LRMDA: variants seen among roughly 807,000 people sequenced by gnomAD.
LRMDA encodes leucine-rich melanocyte differentiation-associated protein.
In LRMDA, 18 loss-of-function variants were observed where a neutral mutation model predicts 29.8. That is an observed-to-expected ratio of 0.60 (90% CI 0.42 to 0.90). The LOEUF (loss-of-function observed/expected upper bound fraction) is 0.90. Among genes scored for constraint, LRMDA ranks in the 40% least tolerant of loss-of-function variants. LRMDA has a pLI of 0.00. For synonymous variants in LRMDA, 125 were observed against 109.4 expected (o/e 1.14, Z -0.89); for missense variants, 273 against 273.9 (o/e 1.00, Z 0.02).
At chr10:76,361,104 T>C (rs1189341604) in intron 6 of LRMDA, among the ~76,000 whole-genome samples, 2 of 151,732 alleles carry the variant, frequency 1.3e-5, no homozygotes, top group African/African-American at 2.4e-5. Context: ...CTACTGAAAA[T>C]ATAAAAATTA....
intron 2 of LRMDA, among the ~76,000 whole-genome samples, chr10:75,808,785 G>T (rs148503551): frequency 9.8e-5 from 15 of 152,314 alleles, no homozygotes; most frequent in East Asian, 5.8e-4. Flanking sequence ...TGGGATTACA[G>T]GCATGAGCCA....
chr10:75,479,143 G>A (rs778660863), intron 2 of LRMDA, among the ~76,000 whole-genome samples: 1 of 152,172 alleles, frequency 6.6e-6, no homozygotes, highest in African/African-American at 2.4e-5. Context: ...AGTGGATTGG[G>A]AGGTTGCGGC....
intron 6 of LRMDA, among the ~76,000 whole-genome samples, chr10:76,492,980 G>A (rs754577681): frequency 2.0e-5 from 3 of 151,974 alleles, no homozygotes; most frequent in Non-Finnish European, 4.4e-5. Flanking sequence ...CCTGAAGCCA[G>A]CACAGCACTG....
chr10:76,508,114 T>G (rs536630860), intron 6 of LRMDA, among the ~76,000 whole-genome samples: 13 of 152,310 alleles, frequency 8.5e-5, no homozygotes, highest in African/African-American at 3.1e-4. Context: ...TCCTTCTCAG[T>G]GCATTGTATC....
At chr10:75,967,609 A>C (rs1846886354) in intron 2 of LRMDA, among the ~76,000 whole-genome samples, 1 of 152,228 alleles carries the variant, frequency 6.6e-6, no homozygotes, top group Non-Finnish European at 1.5e-5. Context: ...CTGGATGTCA[A>C]AACATTCATT....
intron 2 of LRMDA, among the ~76,000 whole-genome samples, chr10:75,599,179 C>T (rs554648855): frequency 7.9e-5 from 12 of 152,122 alleles, no homozygotes; most frequent in Non-Finnish European, 1.6e-4. Context: ...AAAAAGTCTG[C>T]AGAGAGTCTC....
At chr10:76,130,536 A>G (rs1849971120) in intron 5 of LRMDA, among the ~76,000 whole-genome samples, 2 of 152,216 alleles carry the variant, frequency 1.3e-5, no homozygotes, top group African/African-American at 4.8e-5. Context: ...GTTCTGTGAA[A>G]CTAGACCAGA....
chr10:76,521,787 C>T (rs573880808), intron 6 of LRMDA, among the ~76,000 whole-genome samples: 1 of 152,030 alleles, frequency 6.6e-6, no homozygotes, highest in Non-Finnish European at 1.5e-5. Context: ...GCATTTTGCC[C>T]CAATTCTCTG....
intron 6 of LRMDA, among the ~76,000 whole-genome samples, chr10:76,361,314 T>G (rs1841309416): frequency 1.3e-5 from 2 of 151,480 alleles, no homozygotes; most frequent in South Asian, 4.2e-4. Context: ...CAGGATAGAT[T>G]TGGGTTTGGG....
intron 2 of LRMDA, among the ~76,000 whole-genome samples, chr10:75,664,558 C>T (rs1165914579): frequency 2.0e-5 from 3 of 152,108 alleles, no homozygotes; most frequent in Non-Finnish European, 2.9e-5. Flanking sequence ...GTTTAGGAGT[C>T]TCTAGGAGCT....
intron 2 of LRMDA, among the ~76,000 whole-genome samples, chr10:75,755,678 G>T (rs1843022953): frequency 6.6e-6 from 1 of 152,210 alleles, no homozygotes. Context: ...CAAGATTCAG[G>T]CCAAGAAAGC....
intron 5 of LRMDA, among the ~76,000 whole-genome samples, chr10:76,148,056 A>C (rs946163116): frequency 6.6e-5 from 10 of 152,150 alleles, no homozygotes; most frequent in Non-Finnish European, 1.3e-4. Context: ...GTTTTGTCTC[A>C]GAGGAGTACC....
At chr10:76,416,731 C>T (rs1393432212) in intron 6 of LRMDA, among the ~76,000 whole-genome samples, 2 of 152,202 alleles carry the variant, frequency 1.3e-5, no homozygotes, top group East Asian at 1.9e-4. Context: ...GTAATAATAT[C>T]ACTGCCTTCA....
At chr10:75,680,622 A>G (rs971040589) in intron 2 of LRMDA, among the ~76,000 whole-genome samples, 3 of 152,324 alleles carry the variant, frequency 2.0e-5, no homozygotes, top group African/African-American at 7.2e-5. Context: ...CTAGAATGAA[A>G]TAGGCTATAA....
chr10:76,131,675 A>T (rs186684697), intron 5 of LRMDA, among the ~76,000 whole-genome samples: 1 of 150,148 alleles, frequency 6.7e-6, no homozygotes, highest in Non-Finnish European at 1.5e-5. Context: ...TTTTTTTTTT[A>T]AAGAAAAACC....
At chr10:76,512,775 T>C (rs1004827404) in intron 6 of LRMDA, among the ~76,000 whole-genome samples, 1 of 152,210 alleles carries the variant, frequency 6.6e-6, no homozygotes, top group South Asian at 2.1e-4. Context: ...CCTTAATTTC[T>C]ATAGGCCTTG....
chr10:76,336,877 AC>A (rs1297502965), intron 6 of LRMDA, among the ~76,000 whole-genome samples: 3 of 152,080 alleles, frequency 2.0e-5, no homozygotes, highest in Admixed American at 2.0e-4. Context: ...AACCCATACA[AC>A]CATCCTCCTA....
intron 2 of LRMDA, among the ~76,000 whole-genome samples, chr10:75,594,252 A>G (rs1312628437): frequency 9.9e-5 from 15 of 152,150 alleles, no homozygotes; most frequent in Admixed American, 9.2e-4. Flanking sequence ...TGCTGCTCAG[A>G]GGCCTAGCAT....
intron 2 of LRMDA, among the ~76,000 whole-genome samples, chr10:75,801,308 T>C (rs150499721): frequency 6.6e-6 from 1 of 152,354 alleles, no homozygotes; most frequent in East Asian, 1.9e-4. Context: ...TCCAACCGCT[T>C]TGGCATCCCT....
Sources: allele counts gnomAD v4.1 joint callset (sites outside exome capture counted in the v4.1 genomes callset), GRCh38; gene constraint gnomAD v4.1.1; transcripts MANE v1.5; gene names NCBI Gene and HGNC (gene_info 2026-07-23, HGNC 2026-07-21).